Variants in MIA2 observed in about 807,000 individuals in gnomAD.
The protein encoded by MIA2 is melanoma inhibitory activity protein 2.
Under a neutral mutation model 167.8 loss-of-function variants are expected in MIA2, and 127 were observed. The observed-to-expected ratio is 0.76, with a 90% CI of 0.66 to 0.88. The LOEUF (loss-of-function observed/expected upper bound fraction) is 0.88, where lower values mean the gene tolerates loss of function less well. Among genes scored for constraint, MIA2 ranks in the 40% least tolerant of loss-of-function variants. The probability of loss-of-function intolerance (pLI) is 0.00; values close to 1 mark genes in which losing one functional copy is unlikely to be tolerated. For synonymous variants in MIA2, 552 were observed against 541.9 expected (o/e 1.02, Z -0.26); for missense variants, 1,690 against 1,624.7 (o/e 1.04, Z -0.69).
At chr14:39,254,527 C>T (rs993733271) in intron 6 of MIA2, among the ~76,000 whole-genome samples, 6 of 152,038 alleles carry the variant, frequency 3.9e-5, no homozygotes, top group South Asian at 2.1e-4. Context: ...GAGGAAATAG[C>T]GAAAATCCAA....
intron 25 of MIA2, among the ~76,000 whole-genome samples, chr14:39,333,854 T>C (rs947773378): frequency 3.3e-5 from 5 of 152,208 alleles, no homozygotes; most frequent in Admixed American, 6.5e-5. Flanking sequence ...TGTGAGCTTC[T>C]AAATTGATAC....
chr14:39,237,554 A>G (rs1343183772), intron 2 of MIA2, among the ~76,000 whole-genome samples: 1 of 152,248 alleles, frequency 6.6e-6, no homozygotes, highest in Non-Finnish European at 1.5e-5. Flanking sequence ...CAATATTTCT[A>G]TAAAAGAGGC....
intron 2 of MIA2, among the ~76,000 whole-genome samples, chr14:39,238,236 G>A (rs1594606792): frequency 6.6e-6 from 1 of 150,862 alleles, no homozygotes. Flanking sequence ...GCAGTGGCAC[G>A]ATTTCAGCTC....
rs1279529218 is a variant in MIA2 at position 39,384,659 on chromosome 14, A to G, written c.2249-2226A>G. Among the ~76,000 whole-genome samples, 5 of 152,200 alleles carry G rather than the reference A, an allele frequency of 3.3e-5. No homozygotes were observed. In the East Asian group the frequency reaches 7.7e-4, roughly 23 times the overall value. On this transcript the variant is annotated intron_variant, in intron 23 of 23. Coordinates refer to the MIA2 transcript ENST00000341502. ...TAACAGAAAATGAAGTTTCTGTTCA[A>G]GATCCTCACTCCGGCACACTCAGCC...
chr14:39,289,509 A>G (rs2060437068), intron 9 of MIA2, among the ~76,000 whole-genome samples: 1 of 152,172 alleles, frequency 6.6e-6, no homozygotes, highest in African/African-American at 2.4e-5. Flanking sequence ...CACTGCGCCC[A>G]TCCAAGGTAC....
chr14:39,382,948 C>G (rs570105592), intron 23 of MIA2, among the ~76,000 whole-genome samples: 4 of 140,748 alleles, frequency 2.8e-5, no homozygotes, highest in Non-Finnish European at 6.1e-5. Context: ...TCTGCTATGG[C>G]CACAGTTTTT....
At chr14:39,352,328 T>A (rs1270305818), downstream of MIA2, among the ~76,000 whole-genome samples, 1 of 152,074 alleles carries the variant, frequency 6.6e-6, no homozygotes, top group Non-Finnish European at 1.5e-5. Context: ...CTGTTCCATG[T>A]GAATCATCTA....
intron 24 of MIA2, among the ~76,000 whole-genome samples, chr14:39,324,868 G>C (rs1445449259): frequency 6.6e-6 from 1 of 152,060 alleles, no homozygotes; most frequent in Non-Finnish European, 1.5e-5. Context: ...CGGCCTCCCA[G>C]AGTGCTAGGA....
chr14:39,289,080 C>A (rs1178638016), intron 9 of MIA2, among the ~76,000 whole-genome samples: 1 of 150,484 alleles, frequency 6.6e-6, no homozygotes, highest in Non-Finnish European at 1.5e-5. Flanking sequence ...TGGTAAAATT[C>A]AGCCGTGAAG....
rs747329714 is a variant in MIA2, at chr14:39,287,564, ATTAT to A, written c.2131-3444_2131-3441del. On this transcript the variant is annotated intron_variant, in intron 9 of 28. Transcript: ENST00000640607. ...CATTATTTTAAAAATTTTATTATTT[ATTAT>A]TTATTTATTTTTTTGAGATGAAGTC... Among the ~76,000 whole-genome samples, 193 of 150,968 alleles carry A rather than the reference ATTAT, an allele frequency of 1.3e-3. 1 individual carries two copies. Among genetic ancestry groups the A allele is most frequent in the African/African-American group, 3.0e-3 (122 of 41,212 alleles).
intron 21 of MIA2, 27 bp from the exon 22 acceptor site, chr14:39,317,917 T>G (rs1566900415): frequency 6.7e-7 from 1 of 1,491,128 alleles, no homozygotes; most frequent in South Asian, 1.3e-5. Flanking sequence ...TATAAATATA[T>G]TTTTAAAATG....
chr14:39,361,426 T>C (rs561512189), intron 23 of MIA2, among the ~76,000 whole-genome samples: 9 of 137,132 alleles, frequency 6.6e-5, no homozygotes, highest in Non-Finnish European at 1.2e-4. Context: ...ACTAGGACTT[T>C]TAGGTGTGTG....
intron 7 of MIA2, 68 bp from the exon 8 acceptor site, chr14:39,279,269 G>A (rs1456488245): frequency 6.5e-6 from 9 of 1,376,160 alleles, no homozygotes; most frequent in East Asian, 2.3e-5. Context: ...GGCAGTAGAC[G>A]TTAAATGAAT....
intron 6 of MIA2, among the ~76,000 whole-genome samples, chr14:39,274,072 T>G (rs1305366235): frequency 6.6e-6 from 1 of 152,200 alleles, no homozygotes; most frequent in Admixed American, 6.5e-5. Flanking sequence ...TCAACCTGAT[T>G]AATTGATTTT....
At chr14:39,354,858 A>T (rs2074480396), downstream of MIA2, among the ~76,000 whole-genome samples, 1 of 152,166 alleles carries the variant, frequency 6.6e-6, no homozygotes, top group Non-Finnish European at 1.5e-5. Context: ...TTTGTCAAAG[A>T]TGAGATAGTT....
intron 6 of MIA2, among the ~76,000 whole-genome samples, chr14:39,254,328 C>T (rs2054719457): frequency 6.6e-6 from 1 of 152,092 alleles, no homozygotes; most frequent in Non-Finnish European, 1.5e-5. Flanking sequence ...TGAAGAAGTA[C>T]AGAGGGGTCA....
At chr14:39,265,263 C>T (rs958887784) in intron 6 of MIA2, 1 of 749,586 alleles carries the variant, frequency 1.3e-6, no homozygotes, top group African/African-American at 1.8e-5. Context: ...ACACAAATGT[C>T]AAAACGGGAT....
chr14:39,329,216 C>T (rs1276976282), intron 25 of MIA2, among the ~76,000 whole-genome samples: 1 of 152,054 alleles, frequency 6.6e-6, no homozygotes, highest in Non-Finnish European at 1.5e-5. Context: ...ATATTTTATT[C>T]TCTTTGTAGT....
At chr14:39,358,077 TTCC>T (rs2074577033) in intron 23 of MIA2, among the ~76,000 whole-genome samples, 1 of 152,182 alleles carries the variant, frequency 6.6e-6, no homozygotes, top group African/African-American at 2.4e-5. Flanking sequence ...GTCTCTGTAT[TTCC>T]TGAATTTGAA....
Sources: allele counts gnomAD v4.1 joint callset (sites outside exome capture counted in the v4.1 genomes callset), GRCh38; gene constraint gnomAD v4.1.1; transcripts MANE v1.5; gene names NCBI Gene and HGNC (gene_info 2026-07-23, HGNC 2026-07-21).